Variants in FGFR1OP2 observed in about 807,000 individuals in gnomAD.
FGFR1OP2 encodes the protein fibroblast growth factor receptor 1 oncogene partner 2.
Under a neutral mutation model 35.2 loss-of-function variants are expected in FGFR1OP2, and 17 were observed. The ratio of observed to expected loss-of-function variants is 0.48; its 90% CI spans 0.33 to 0.73. The LOEUF is 0.73. Ranked by LOEUF, FGFR1OP2 falls within the 30% of genes least tolerant of loss-of-function variation. The pLI is 0.02. For missense variants in FGFR1OP2, 251 were observed against 307.3 expected, an observed-to-expected ratio of 0.82 and a Z score of 1.37; for synonymous variants, 105 against 104.6, an observed-to-expected ratio of 1.00 and a Z score of -0.03.
intron 1 of FGFR1OP2, among the ~76,000 whole-genome samples, chr12:26,946,906 C>A (rs1402917686): frequency 6.6e-6 from 1 of 152,168 alleles, no homozygotes; most frequent in Non-Finnish European, 1.5e-5. Flanking sequence ...CTCTTTTGGA[C>A]ACTATATAAA....
chr12:26,961,601 G>A (rs919134541), intron 5 of FGFR1OP2: 3 of 152,236 alleles, frequency 2.0e-5, no homozygotes, highest in Non-Finnish European at 4.4e-5. Context: ...AGCCAGGCGT[G>A]ATAGCGGGTG....
chr12:26,947,580 C>T (rs1938850018), intron 1 of FGFR1OP2, among the ~76,000 whole-genome samples: 1 of 152,112 alleles, frequency 6.6e-6, no homozygotes, highest in Admixed American at 6.5e-5. Context: ...CAGGGTTTTG[C>T]CATGTTGCCC....
In FGFR1OP2 at chr12:26,957,591, T is replaced by G; in HGVS notation, c.254-10T>G. On this transcript the variant is annotated splice_polypyrimidine_tract_variant and intron_variant, in intron 3 of 6. Transcript: ENST00000229395. ...CAAGTTGGAATAAAATACAATATTA[T>G]TCTTGATAGAATTACGTACATCTCT... 1 of 1,607,222 alleles carries G rather than the reference T, an allele frequency of 6.2e-7. No homozygotes were observed. Among genetic ancestry groups the G allele is most frequent in the East Asian group, 2.2e-5 (1 of 44,730 alleles).
At position 26,955,741 on chromosome 12, in the gene FGFR1OP2, T is replaced by C. The variant is rs114709723; in HGVS notation, c.136-802T>C. On this transcript the variant is annotated intron_variant, in intron 2 of 6. Transcript: ENST00000229395. ...CATCAGCTGATAGGCATTTGGATTATTTTACTTTTTTGGCTGGTAAGAATA... is the reference window on the plus strand; with the variant it reads ...CATCAGCTGATAGGCATTTGGATTACTTTACTTTTTTGGCTGGTAAGAATA... 4.7e-3 allele frequency among the ~76,000 whole-genome samples: 714 copies of C among 152,362 alleles called. 4 individuals carry two copies. The highest frequency in any genetic ancestry group is 0.017 in the African/African-American group (689 of 41,582).
intron 1 of FGFR1OP2, among the ~76,000 whole-genome samples, chr12:26,952,477 T>C (rs16931510): frequency 0.33 from 50,578 of 151,926 alleles, 8,742 homozygotes; most frequent in East Asian, 0.59. Context: ...GTGGTGGTTT[T>C]CTCTAGAGAG....
chr12:26,942,153 C>T (rs190741013), intron 1 of FGFR1OP2, among the ~76,000 whole-genome samples: 1 of 152,238 alleles, frequency 6.6e-6, no homozygotes, highest in Non-Finnish European at 1.5e-5. Context: ...CTGCCTCAGC[C>T]TCCAGAGTAG....
intron 1 of FGFR1OP2, among the ~76,000 whole-genome samples, chr12:26,951,977 T>C (rs1407041141): frequency 6.6e-6 from 1 of 152,110 alleles, no homozygotes; most frequent in Non-Finnish European, 1.5e-5. Context: ...TGTTGTAGAG[T>C]TTCAAATTTG....
At chr12:26,950,029 C>T (rs879647788) in intron 1 of FGFR1OP2, among the ~76,000 whole-genome samples, 8 of 151,886 alleles carry the variant, frequency 5.3e-5, no homozygotes, top group African/African-American at 1.7e-4. Flanking sequence ...CTTTTAACTT[C>T]TTCATGGGTT....
chr12:26,941,359 A>T (rs1938731770), intron 1 of FGFR1OP2, among the ~76,000 whole-genome samples: 2 of 152,222 alleles, frequency 1.3e-5, no homozygotes, highest in South Asian at 4.1e-4. Context: ...AAAAAAGGTG[A>T]TAAAGTAAAT....
At chr12:26,946,601 T>C (rs1385474354) in intron 1 of FGFR1OP2, among the ~76,000 whole-genome samples, 2 of 152,238 alleles carry the variant, frequency 1.3e-5, no homozygotes, top group Non-Finnish European at 2.9e-5. Context: ...CGTGGGCCAC[T>C]GCGCCTGACC....
chr12:26,948,354 T>C (rs376167785), intron 1 of FGFR1OP2, among the ~76,000 whole-genome samples: 2 of 152,240 alleles, frequency 1.3e-5, no homozygotes, highest in East Asian at 3.8e-4. Flanking sequence ...TAAGTTCTTC[T>C]TTCTCTTCAG....
In FGFR1OP2 at chr12:26,964,546, T is replaced by C. The variant is rs749667136; in HGVS notation, c.625-50T>C. ...TTCCTAACATATGTTTGTGATGTTG[T>C]AGCTACCTTGTAGATAGTGACTGCA... On this transcript the variant is annotated intron_variant, in intron 6 of 6. Coordinates refer to ENST00000229395, the MANE Select transcript of FGFR1OP2 (RefSeq NM_015633.3). 7 of 1,583,464 alleles carry C rather than the reference T, an allele frequency of 4.4e-6. No homozygotes were observed. The South Asian group carries it at 7.8e-5, about 18-fold the overall frequency.
At position 26,966,539 on chromosome 12, in the gene FGFR1OP2, C is replaced by CAA. The variant is rs1555212683; in HGVS notation, c.*1806_*1807insAA. 26 of 103,190 alleles carry CAA rather than the reference C, an allele frequency of 2.5e-4. No individual in the cohort carries two copies. Among genetic ancestry groups the CAA allele is most frequent in the Non-Finnish European group, 4.9e-4 (23 of 47,120 alleles). 6.4% of individuals were successfully genotyped at this position (103,190 alleles called of 1,614,324 possible). A position where few individuals can be genotyped will look rare whatever the true frequency, so the allele number is the denominator to read the frequency against. On this transcript the variant is annotated 3_prime_UTR_variant, in exon 7 of 7. Transcript: ENST00000229395. ...TGTTATTTAGTGACACATTTCCATC[C>CAA]TATTTTTTTTTTTTTTTTGGTTGTT...
At chr12:26,954,902 A>G (rs576861869) in intron 2 of FGFR1OP2, among the ~76,000 whole-genome samples, 2 of 152,302 alleles carry the variant, frequency 1.3e-5, no homozygotes, top group East Asian at 3.9e-4. Flanking sequence ...TTTTCAAGTC[A>G]TTTAAGAAAA....
intron 1 of FGFR1OP2, among the ~76,000 whole-genome samples, chr12:26,940,792 G>A (rs888011256): frequency 2.6e-5 from 4 of 152,000 alleles, no homozygotes; most frequent in African/African-American, 9.7e-5. Context: ...TAATTAAAAT[G>A]GTTGCTAGGC....
rs1939167976 is a variant in FGFR1OP2, at chr12:26,965,772, G to C, written c.*1039G>C. The C allele has an allele frequency of 3.3e-5, 5 of 152,066 alleles. 1 individual carries two copies. In the South Asian group the frequency reaches 1.0e-3, roughly 32 times the overall value. The allele number at this position is 152,066 out of a possible 1,614,324, so 9.4% of individuals were successfully genotyped here. A position where few individuals can be genotyped will look rare whatever the true frequency, so the allele number is the denominator to read the frequency against. On this transcript the variant is annotated 3_prime_UTR_variant, in exon 7 of 7. Transcript: ENST00000229395. ...TTCTTAAAACCTTTCAGCTGAAAGT[G>C]GGGGTAAAGGTGGAGTAATCTGTGG...
At chr12:26,947,239 A>C (rs2136350286) in intron 1 of FGFR1OP2, among the ~76,000 whole-genome samples, 1 of 152,312 alleles carries the variant, frequency 6.6e-6, no homozygotes, top group African/African-American at 2.4e-5. Flanking sequence ...CATTCTTTAT[A>C]TCCTAGCCAA....
intron 1 of FGFR1OP2, among the ~76,000 whole-genome samples, chr12:26,951,620 C>T (rs572541755): frequency 6.6e-6 from 1 of 152,114 alleles, no homozygotes; most frequent in Admixed American, 6.5e-5. Context: ...GCGCCCAGCC[C>T]AAGGTATACA....
chr12:26,956,966 T>C (rs1000678752), intron 3 of FGFR1OP2, among the ~76,000 whole-genome samples: 3 of 152,200 alleles, frequency 2.0e-5, no homozygotes, highest in African/African-American at 7.2e-5. Flanking sequence ...AACCATCAGA[T>C]TGATATTTCA....
Sources: allele counts gnomAD v4.1 joint callset (sites outside exome capture counted in the v4.1 genomes callset), GRCh38; gene constraint gnomAD v4.1.1; transcripts MANE v1.5; gene names NCBI Gene and HGNC (gene_info 2026-07-23, HGNC 2026-07-21).